Variants in PHACTR1 observed in about 807,000 individuals in gnomAD.
PHACTR1 encodes RPEL repeat containing 1.
In PHACTR1, 16 loss-of-function variants were observed where a neutral mutation model predicts 69.2. The observed-to-expected ratio is 0.23, with a 90% CI of 0.16 to 0.35. The LOEUF (loss-of-function observed/expected upper bound fraction) is 0.35. PHACTR1 is among the 10% of genes least tolerant of loss of function. The pLI is 1.00. For synonymous variants in PHACTR1, 312 were observed against 284.5 expected, an observed-to-expected ratio of 1.10 and a Z score of -0.97; for missense variants, 510 against 734.7, an observed-to-expected ratio of 0.69 and a Z score of 3.54.
intron 4 of PHACTR1, among the ~76,000 whole-genome samples, chr6:12,852,158 A>C (rs891767945): frequency 2.6e-5 from 4 of 152,180 alleles, no homozygotes; most frequent in African/African-American, 4.8e-5. Context: ...ATTATGTTCT[A>C]ATATGTGGTA....
In PHACTR1 at chr6:13,133,644, A is replaced by G. The variant is rs1404804603; in HGVS notation, c.416-26560A>G. Among the ~76,000 whole-genome samples, 3 of 152,140 alleles carry G rather than the reference A, an allele frequency of 2.0e-5. No individual in the cohort carries two copies. The East Asian group carries it at 5.9e-4, about 30-fold the overall frequency. On this transcript the variant is annotated intron_variant, in intron 5 of 14. Coordinates refer to ENST00000332995, the MANE Select transcript of PHACTR1 (RefSeq NM_030948.6). Reference sequence around the variant, plus strand: ...TGCAGTGGCGTGATCTCGGCTCGCTACAACTTCCACCTCCCAGCCGCCTGC... The same window carrying G: ...TGCAGTGGCGTGATCTCGGCTCGCTGCAACTTCCACCTCCCAGCCGCCTGC...
At chr6:12,891,263 A>AT (rs1197681399) in intron 4 of PHACTR1, among the ~76,000 whole-genome samples, 20 of 151,114 alleles carry the variant, frequency 1.3e-4, no homozygotes, top group Admixed American at 3.3e-4. Flanking sequence ...TACTCCTACC[A>AT]TTTTTTTTTA....
At chr6:12,993,794 A>G (rs1797091939) in intron 4 of PHACTR1, among the ~76,000 whole-genome samples, 1 of 152,196 alleles carries the variant, frequency 6.6e-6, no homozygotes. Flanking sequence ...GCTAAAAGCG[A>G]ACATATTTTC....
At chr6:12,908,111 TC>T (rs1785950617) in intron 4 of PHACTR1, among the ~76,000 whole-genome samples, 1 of 152,174 alleles carries the variant, frequency 6.6e-6, no homozygotes, top group Admixed American at 6.5e-5. Context: ...GGGATGTTCT[TC>T]TTTATATTGA....
At chr6:12,901,822 T>C (rs1344430385) in intron 4 of PHACTR1, among the ~76,000 whole-genome samples, 2 of 152,108 alleles carry the variant, frequency 1.3e-5, no homozygotes, top group Non-Finnish European at 1.5e-5. Context: ...AGCTTTCTTA[T>C]TGTACAGACT....
chr6:12,767,986 C>A (rs12202891), intron 4 of PHACTR1, among the ~76,000 whole-genome samples: 5 of 151,802 alleles, frequency 3.3e-5, no homozygotes, highest in Non-Finnish European at 5.9e-5. Flanking sequence ...TGAGACCTGG[C>A]GCATTAGGAT....
chr6:13,224,752 A>C (rs1250009508), intron 8 of PHACTR1, among the ~76,000 whole-genome samples: 2 of 152,070 alleles, frequency 1.3e-5, no homozygotes, highest in African/African-American at 4.8e-5. Flanking sequence ...CATTTGCATC[A>C]CTCCTAGAGC....
At chr6:12,984,059 C>T (rs188051973) in intron 4 of PHACTR1, among the ~76,000 whole-genome samples, 249 of 152,238 alleles carry the variant, frequency 1.6e-3, no homozygotes, top group African/African-American at 5.7e-3. Flanking sequence ...TGGGTATATA[C>T]CCAGTAATGG....
intron 8 of PHACTR1, chr6:13,213,996 C>T (rs1767282131): frequency 6.6e-6 from 1 of 152,152 alleles, no homozygotes; most frequent in Non-Finnish European, 1.5e-5. Context: ...AGAAAAATAT[C>T]TTACTTTTAT....
Position 13,227,984 on chromosome 6 carries a change from C to T in PHACTR1, c.1155C>T (p.Tyr385=), listed in dbSNP as rs139729794. Residue 385 remains tyrosine (Y), a synonymous_variant, in exon 9 of 15, where the codon TAC becomes TAT. Coordinates refer to ENST00000332995, the MANE Select transcript of PHACTR1 (RefSeq NM_030948.6). ...AAAATGTGCCTCATGAGTCAGACTACGAAGACTCTTCTTGCCTGTATACAA... is the reference window on the plus strand; with the variant it reads ...AAAATGTGCCTCATGAGTCAGACTATGAAGACTCTTCTTGCCTGTATACAA... ...NKENVPHESD[Y]EDSSCLYTRE... is the part of the protein sequence containing the mutation. 170 of 1,613,878 alleles carry T rather than the reference C, an allele frequency of 1.1e-4. 1 individual carries two copies. The Middle Eastern group carries it at 1.2e-3, about 11-fold the overall frequency.
At chr6:12,933,082 C>T (rs934503877) in intron 4 of PHACTR1, among the ~76,000 whole-genome samples, 25 of 151,780 alleles carry the variant, frequency 1.6e-4, no homozygotes, top group African/African-American at 5.6e-4. Flanking sequence ...ATTACAGGCA[C>T]GCGCCACCAA....
At chr6:12,764,494 T>G (rs1390713245) in intron 4 of PHACTR1, among the ~76,000 whole-genome samples, 1 of 152,224 alleles carries the variant, frequency 6.6e-6, no homozygotes, top group Non-Finnish European at 1.5e-5. Context: ...GTTATTTATG[T>G]GGGTTCATAA....
At chr6:13,026,770 G>C (rs9367308) in intron 4 of PHACTR1, among the ~76,000 whole-genome samples, 106,161 of 151,830 alleles carry the variant, frequency 0.7, 39,277 homozygotes, top group East Asian at 0.88. Flanking sequence ...TTGCTTCTGG[G>C]TGTGCATGTC....
chr6:13,051,029 G>A (rs1249306358), intron 4 of PHACTR1, among the ~76,000 whole-genome samples: 4 of 152,010 alleles, frequency 2.6e-5, no homozygotes, highest in Non-Finnish European at 2.9e-5. Context: ...CCCATATTCC[G>A]AGTCAGGTTA....
At chr6:13,258,718 A>G (rs753892593) in intron 10 of PHACTR1, among the ~76,000 whole-genome samples, 6 of 152,226 alleles carry the variant, frequency 3.9e-5, no homozygotes, top group Non-Finnish European at 8.8e-5. Context: ...TTACTTAAAA[A>G]ATGCTTTGTG....
intron 4 of PHACTR1, among the ~76,000 whole-genome samples, chr6:12,927,952 G>A (rs1208404079): frequency 6.6e-6 from 1 of 152,206 alleles, no homozygotes; most frequent in South Asian, 2.1e-4. Context: ...CTGACCGTGG[G>A]TGTCTCTTGC....
Position 13,187,193 on chromosome 6 carries a change from C to T in PHACTR1, c.664+4507C>T, listed in dbSNP as rs144115493. On this transcript the variant is annotated intron_variant, in intron 7 of 14. Coordinates refer to ENST00000332995, the MANE Select transcript of PHACTR1 (RefSeq NM_030948.6). ...GTGCAGCCCGGTTCCTAATAGGCCG[C>T]GGACCAGTACAGGTTCATGGCCCTG... Among the ~76,000 whole-genome samples the T allele has an allele frequency of 7.5e-4, 114 of 152,270 alleles. No individual in the cohort carries two copies. In the East Asian group the frequency reaches 0.018, roughly 23 times the overall value.
At chr6:12,972,229 C>T (rs1256763734) in intron 4 of PHACTR1, among the ~76,000 whole-genome samples, 1 of 152,090 alleles carries the variant, frequency 6.6e-6, no homozygotes, top group South Asian at 2.1e-4. Flanking sequence ...AGTGGCAGAA[C>T]CAGGATTGGA....
intron 3 of PHACTR1, among the ~76,000 whole-genome samples, chr6:12,736,029 T>G (rs1046675168): frequency 1.3e-5 from 2 of 152,176 alleles, no homozygotes; most frequent in Non-Finnish European, 2.9e-5. Context: ...AATGACAAGT[T>G]TAAGCAGCGA....
Sources: allele counts gnomAD v4.1 joint callset (sites outside exome capture counted in the v4.1 genomes callset), GRCh38; gene constraint gnomAD v4.1.1; transcripts MANE v1.5; gene names NCBI Gene and HGNC (gene_info 2026-07-23, HGNC 2026-07-21).